The following PNLIPRP3 variants were observed in gnomAD, a reference collection of about 807,000 sequenced individuals.
The protein encoded by PNLIPRP3 is pancreatic lipase-related protein 3.
Under a neutral mutation model 52.8 loss-of-function variants are expected in PNLIPRP3, and 58 were observed. The ratio of observed to expected loss-of-function variants is 1.10; its 90% CI spans 0.89 to 1.37. The LOEUF is 1.37. Among genes scored for constraint, PNLIPRP3 ranks in the 40% most tolerant of loss-of-function variants. The pLI is 0.00. For synonymous variants in PNLIPRP3, 192 were observed against 185.0 expected (o/e 1.04, Z -0.31); for missense variants, 593 against 561.6 (o/e 1.06, Z -0.57).
In PNLIPRP3 at chr10:116,455,710, C is replaced by G. The variant is rs1363833213; in HGVS notation, c.457-12C>G. 6.3e-7 allele frequency: 1 copy of G among 1,589,472 alleles called. No individual in the cohort carries two copies. Among genetic ancestry groups the G allele is most frequent in the East Asian group, 2.2e-5 (1 of 44,690 alleles). ...TTTTTAAAATACTTATTCTGTTAAA[C>G]AATTCTTTCAGAAAAAATTTGAATA... On this transcript the variant is annotated splice_polypyrimidine_tract_variant and intron_variant, in intron 4 of 11. Transcript: ENST00000369230.
At chr10:116,475,770 ACAG>A (rs1354069564) in intron 10 of PNLIPRP3, among the ~76,000 whole-genome samples, 4 of 152,232 alleles carry the variant, frequency 2.6e-5, no homozygotes, top group African/African-American at 9.6e-5. Flanking sequence ...TGATACATTA[ACAG>A]AAGAATAGTT....
chr10:116,431,390 C>T (rs550329309), intron 1 of PNLIPRP3, among the ~76,000 whole-genome samples: 8 of 152,268 alleles, frequency 5.3e-5, no homozygotes, highest in Admixed American at 3.3e-4. Flanking sequence ...GCATTAACCC[C>T]TGCTCCTCAT....
intron 5 of PNLIPRP3, among the ~76,000 whole-genome samples, chr10:116,457,362 GCTCT>G (rs60476312): frequency 2.0e-5 from 3 of 151,622 alleles, no homozygotes; most frequent in Non-Finnish European, 4.4e-5. Context: ...GTACGTGCTC[GCTCT>G]CTCTCTCACA....
chr10:116,429,494 T>C (rs1484977398), intron 1 of PNLIPRP3, among the ~76,000 whole-genome samples: 1 of 152,222 alleles, frequency 6.6e-6, no homozygotes, highest in East Asian at 1.9e-4. Flanking sequence ...ACAGAGAGAT[T>C]CGTTGTGTAA....
At chr10:116,453,836 G>A (rs1238354939) in intron 4 of PNLIPRP3, among the ~76,000 whole-genome samples, 3 of 152,024 alleles carry the variant, frequency 2.0e-5, no homozygotes, top group African/African-American at 7.3e-5. Flanking sequence ...TTTTACATAG[G>A]TATAGACGTG....
intron 7 of PNLIPRP3, among the ~76,000 whole-genome samples, chr10:116,463,640 T>A (rs549642130): frequency 6.6e-6 from 1 of 152,108 alleles, no homozygotes; most frequent in South Asian, 2.1e-4. Context: ...GGCCTCCATG[T>A]TGAGAGAAGG....
chr10:116,428,955 A>G (rs1845672687), intron 1 of PNLIPRP3, among the ~76,000 whole-genome samples: 2 of 152,054 alleles, frequency 1.3e-5, no homozygotes, highest in Non-Finnish European at 2.9e-5. Flanking sequence ...GTAGTTGCTT[A>G]ACTTTAAACA....
chr10:116,471,712 T>G lies in PNLIPRP3; in HGVS notation c.1061-56T>G, dbSNP rs183363507. ...CATTAAAGGATCCAGGAAGTCATAC[T>G]TCCCATGTGTTTTTAACCCTTTCTC... is the stretch of plus-strand genomic sequence containing the variant. On this transcript the variant is annotated intron_variant, in intron 9 of 11. Transcript: ENST00000369230. 2.1e-5 allele frequency: 28 copies of G among 1,326,810 alleles called. No homozygotes were observed. The East Asian group carries it at 6.0e-4, about 29-fold the overall frequency. The allele number at this position is 1,326,810 out of a possible 1,614,324, so 82.2% of individuals were successfully genotyped here.
At chr10:116,468,211 C>G (rs548751427) in intron 8 of PNLIPRP3, among the ~76,000 whole-genome samples, 1 of 150,118 alleles carries the variant, frequency 6.7e-6, no homozygotes, top group South Asian at 2.1e-4. Context: ...AGTGGAATTC[C>G]TTCATGGCAT....
At chr10:116,456,700 C>T (rs1292404010) in intron 5 of PNLIPRP3, among the ~76,000 whole-genome samples, 1 of 152,158 alleles carries the variant, frequency 6.6e-6, no homozygotes, top group East Asian at 1.9e-4. Context: ...GTTTTCCAAA[C>T]CAATTGTGTG....
intron 7 of PNLIPRP3, among the ~76,000 whole-genome samples, chr10:116,464,288 A>C (rs1389386724): frequency 6.6e-6 from 1 of 152,186 alleles, no homozygotes; most frequent in Non-Finnish European, 1.5e-5. Context: ...TAACTGGTCT[A>C]CAATGGAGAT....
chr10:116,465,972 G>T, intron 7 of PNLIPRP3, 78 bp from the exon 8 acceptor site: 1 of 1,062,778 alleles, frequency 9.4e-7, no homozygotes, highest in South Asian at 1.3e-5. Context: ...GCCACTTACA[G>T]TTACTGTTTC....
At chr10:116,441,619 C>T (rs1012416095) in intron 2 of PNLIPRP3, among the ~76,000 whole-genome samples, 4 of 152,138 alleles carry the variant, frequency 2.6e-5, no homozygotes, top group African/African-American at 9.7e-5. Context: ...TTGCTCACTT[C>T]AGCAAATCCC....
chr10:116,443,939 C>T (rs769211227), intron 3 of PNLIPRP3, among the ~76,000 whole-genome samples: 1 of 150,420 alleles, frequency 6.6e-6, no homozygotes, highest in Non-Finnish European at 1.5e-5. Flanking sequence ...TTTCATACTG[C>T]TATAAAGAAC....
At position 116,436,806 on chromosome 10, in the gene PNLIPRP3, C is replaced by G. The variant is rs746373692; in HGVS notation, c.145C>G (p.Pro49Ala). 4 of 1,613,604 alleles carry G rather than the reference C, an allele frequency of 2.5e-6. No individual in the cohort carries two copies. Among genetic ancestry groups the G allele is most frequent in the Non-Finnish European group, 3.4e-6 (4 of 1,179,714 alleles). ...AGAGTTGGTAGGTTTACCCTGGTCT[C>G]CAGAGAAGATAAACACTCGTTTCCT... Reference protein sequence around the residue: ...STELVGLPWSPEKINTRFLLY... With the variant: ...STELVGLPWSAEKINTRFLLY... The change falls in exon 2 of 12, where the codon CCA becomes GCA. Residue 49 changes from proline to alanine, a missense_variant. Pro to Ala is a conservative substitution (Grantham distance 27). Coordinates refer to ENST00000369230, the MANE Select transcript of PNLIPRP3 (RefSeq NM_001011709.3).
rs570647002 is a variant in PNLIPRP3, at chr10:116,471,844, GGC to G, written c.1138_1139del (p.Ala380SerfsTer2). 3.3e-3 allele frequency: 5,240 copies of G among 1,607,772 alleles called. 169 individuals carry two copies. In the African/African-American group the frequency reaches 0.063, roughly 19 times the overall value. On this transcript the variant is annotated frameshift_variant, in exon 10 of 12. Coordinates refer to ENST00000369230, the MANE Select transcript of PNLIPRP3 (RefSeq NM_001011709.3). LOFTEE classifies it high-confidence loss of function. Reference sequence around the variant, plus strand: ...GAACTGTCTTTCTTCGTGTAGGCGGGGCAGTTAGGAAAACTGGGGAGTTTGCC... The same window carrying G: ...GAACTGTCTTTCTTCGTGTAGGCGGGAGTTAGGAAAACTGGGGAGTTTGCC... ...QGTVFLRVGG[A>X]VRKTGEFAIV...
chr10:116,442,968 G>C, intron 2 of PNLIPRP3, 87 bp from the exon 3 acceptor site: 3 of 1,020,446 alleles, frequency 2.9e-6, no homozygotes, highest in African/African-American at 3.3e-5. Flanking sequence ...TTAGTGAAAG[G>C]CTTTCGAGCA....
chr10:116,440,444 T>A (rs1209693324), intron 2 of PNLIPRP3, among the ~76,000 whole-genome samples: 2 of 152,208 alleles, frequency 1.3e-5, no homozygotes, highest in Non-Finnish European at 2.9e-5. Flanking sequence ...TGTATCTGAA[T>A]TTTGTAATGG....
intron 10 of PNLIPRP3, among the ~76,000 whole-genome samples, chr10:116,474,562 C>T (rs1445113738): frequency 2.0e-5 from 3 of 152,146 alleles, no homozygotes; most frequent in African/African-American, 7.2e-5. Flanking sequence ...TGATAAACGT[C>T]TAATATCCCA....
Sources: gnomAD v4.1 joint callset for allele counts (sites outside exome capture counted in the v4.1 genomes callset) on GRCh38, gnomAD v4.1.1 for gene constraint, MANE v1.5 for transcripts, NCBI Gene and HGNC (gene_info 2026-07-23, HGNC 2026-07-21) for gene names.